SKAP1: variants seen among roughly 807,000 people sequenced by gnomAD.
SKAP1 encodes src kinase associated phosphoprotein 1, also known as src kinase-associated phosphoprotein 1.
Under a neutral mutation model 58.5 loss-of-function variants are expected in SKAP1, and 44 were observed. That is an observed-to-expected ratio of 0.75 (90% confidence interval 0.59 to 0.97). SKAP1 has a LOEUF of 0.97. SKAP1 is among the 50% of genes least tolerant of loss of function. The pLI is 0.00. For missense variants in SKAP1, 390 were observed against 435.2 expected (o/e 0.90, Z 0.92); for synonymous variants, 127 against 149.7 (o/e 0.85, Z 1.11).
intron 3 of SKAP1, among the ~76,000 whole-genome samples, chr17:48,352,961 G>A (rs1220560554): frequency 6.6e-6 from 1 of 151,798 alleles, no homozygotes; most frequent in African/African-American, 2.4e-5. Context: ...TTGACTTTAT[G>A]GTATATACTA....
intron 4 of SKAP1, among the ~76,000 whole-genome samples, chr17:48,202,981 C>A (rs1370789773): frequency 2.6e-5 from 4 of 152,092 alleles, no homozygotes; most frequent in Admixed American, 2.6e-4. Flanking sequence ...TCAGACCATG[C>A]AGGAGAGAGA....
chr17:48,189,667 C>A (rs990788694), intron 4 of SKAP1, among the ~76,000 whole-genome samples, 167 bp from the exon 5 acceptor site: 1 of 151,212 alleles, frequency 6.6e-6, no homozygotes, highest in Non-Finnish European at 1.5e-5. Context: ...AGTAAATTTT[C>A]TTGCTTTTTC....
At chr17:48,432,339 G>C (rs146678082), upstream of SKAP1, among the ~76,000 whole-genome samples, 1,246 of 152,132 alleles carry the variant, frequency 8.2e-3, 10 homozygotes, top group Non-Finnish European at 0.013. Context: ...TGAGGCAGGA[G>C]AATCACATGA....
At position 48,135,565 on chromosome 17, in the gene SKAP1, C is replaced by T. The variant is rs548325515; in HGVS notation, c.*7+1664G>A. Among the ~76,000 whole-genome samples, 3 of 152,206 alleles carry T rather than the reference C, an allele frequency of 2.0e-5. No homozygotes were observed. The South Asian group carries it at 6.2e-4, about 32-fold the overall frequency. ...CAGTCATGGCTCACTGTAATCTCAA[C>T]CTCCTGGGCTCAAGCATTCCTCCCA... On this transcript the variant is annotated intron_variant, in intron 12 of 12. Transcript: ENST00000336915.
At chr17:48,283,686 C>T (rs8078964) in intron 4 of SKAP1, among the ~76,000 whole-genome samples, 10 of 152,052 alleles carry the variant, frequency 6.6e-5, no homozygotes, top group Admixed American at 2.6e-4. Context: ...CTGAAGTGAG[C>T]GACGGCTGGA....
At chr17:48,373,524 A>T (rs1457108061) in intron 2 of SKAP1, among the ~76,000 whole-genome samples, 1 of 152,216 alleles carries the variant, frequency 6.6e-6, no homozygotes, top group Non-Finnish European at 1.5e-5. Flanking sequence ...AAAAAAAAAT[A>T]AATCTGGTAC....
rs139846245 is a variant in SKAP1 at position 48,338,676 on chromosome 17, A to T, written c.280+7229T>A. Among the ~76,000 whole-genome samples, 80 of 152,310 alleles carry T rather than the reference A, an allele frequency of 5.3e-4. 1 individual carries two copies. The East Asian group carries it at 0.015, about 28-fold the overall frequency. On this transcript the variant is annotated intron_variant, in intron 4 of 12. Coordinates refer to ENST00000336915, the MANE Select transcript of SKAP1 (RefSeq NM_003726.4). ...TTTACTGGGTACTGGATGAAAAGTT[A>T]GAGTTTAAACACACACCAACAGCCC... is the stretch of plus-strand genomic sequence containing the variant.
intron 1 of SKAP1, among the ~76,000 whole-genome samples, chr17:48,422,074 G>C (rs986139995): frequency 6.6e-6 from 1 of 152,100 alleles, no homozygotes; most frequent in Non-Finnish European, 1.5e-5. Context: ...AGCTGGGCTT[G>C]GTGGTGTGCA....
At chr17:48,230,534 C>T (rs1304079968) in intron 4 of SKAP1, among the ~76,000 whole-genome samples, 1 of 152,076 alleles carries the variant, frequency 6.6e-6, no homozygotes, top group Non-Finnish European at 1.5e-5. Flanking sequence ...GTGGGCAGAT[C>T]GCTTGAGGCC....
At chr17:48,243,539 T>C (rs1281468666) in intron 4 of SKAP1, among the ~76,000 whole-genome samples, 2 of 152,174 alleles carry the variant, frequency 1.3e-5, no homozygotes, top group African/African-American at 4.8e-5. Context: ...TTGAACATGG[T>C]AACATATATC....
intron 6 of SKAP1, among the ~76,000 whole-genome samples, chr17:48,187,549 T>C (rs2064474358): frequency 6.6e-6 from 1 of 152,220 alleles, no homozygotes; most frequent in Non-Finnish European, 1.5e-5. Context: ...TCTTTTTATT[T>C]TTTTTAAAAA....
At chr17:48,308,037 C>A (rs777677481) in intron 4 of SKAP1, 1 of 152,188 alleles carries the variant, frequency 6.6e-6, no homozygotes, top group African/African-American at 2.4e-5. Flanking sequence ...TCAAGCCAAT[C>A]GATGTACACC....
intron 4 of SKAP1, among the ~76,000 whole-genome samples, chr17:48,275,686 T>C (rs899307277): frequency 3.9e-5 from 6 of 152,194 alleles, no homozygotes; most frequent in African/African-American, 1.4e-4. Flanking sequence ...AAGGTTGGAA[T>C]CAAGGGAGCT....
intron 4 of SKAP1, among the ~76,000 whole-genome samples, chr17:48,250,449 A>C (rs1335240436): frequency 2.6e-5 from 4 of 150,982 alleles, no homozygotes; most frequent in African/African-American, 9.7e-5. Flanking sequence ...CGCCCAGCTA[A>C]TTTTTGTATT....
intron 2 of SKAP1, among the ~76,000 whole-genome samples, chr17:48,370,601 T>G (rs781544695): frequency 6.6e-6 from 1 of 152,084 alleles, no homozygotes; most frequent in Non-Finnish European, 1.5e-5. Flanking sequence ...CTGGCCAGAA[T>G]GGTTATTATT....
intron 11 of SKAP1, among the ~76,000 whole-genome samples, chr17:48,146,320 A>G (rs1207981278): frequency 6.6e-6 from 1 of 151,796 alleles, no homozygotes; most frequent in Non-Finnish European, 1.5e-5. Flanking sequence ...GTGAAACTCA[A>G]TCTCTACTAA....
intron 4 of SKAP1, among the ~76,000 whole-genome samples, chr17:48,276,003 C>G (rs1429897278): frequency 6.6e-6 from 1 of 152,098 alleles, no homozygotes; most frequent in Non-Finnish European, 1.5e-5. Context: ...GGGGGAGGGT[C>G]TGACTGCAAT....
intron 4 of SKAP1, among the ~76,000 whole-genome samples, chr17:48,301,728 T>C (rs1001775477): frequency 1.3e-5 from 2 of 152,096 alleles, no homozygotes; most frequent in African/African-American, 4.8e-5. Context: ...CCGCCCACCT[T>C]GGCCTCCCAA....
chr17:48,321,277 C>A lies in SKAP1; in HGVS notation c.280+24628G>T, dbSNP rs559481449. Among the ~76,000 whole-genome samples the A allele has an allele frequency of 1.3e-4, 19 of 151,870 alleles. 1 individual carries two copies. In the South Asian group the frequency reaches 3.9e-3, roughly 32 times the overall value. On this transcript the variant is annotated intron_variant, in intron 4 of 12. Coordinates refer to ENST00000336915, the MANE Select transcript of SKAP1 (RefSeq NM_003726.4). ...TTCAAGATAGAGAGATAGTTAGCCA[C>A]CCTATTTTAAAAGATTTTCAGGAAC...
Sources: gnomAD v4.1 joint callset for allele counts (sites outside exome capture counted in the v4.1 genomes callset) on GRCh38, gnomAD v4.1.1 for gene constraint, MANE v1.5 for transcripts, NCBI Gene and HGNC (gene_info 2026-07-23, HGNC 2026-07-21) for gene names.